Variants in INSM2 observed in about 807,000 individuals in gnomAD.
The protein encoded by INSM2 is INSM transcriptional repressor 2.
In INSM2, 12 loss-of-function variants were observed where a neutral mutation model predicts 30.5. The ratio of observed to expected loss-of-function variants is 0.39; its 90% CI spans 0.25 to 0.64. The LOEUF (loss-of-function observed/expected upper bound fraction) is 0.64, where lower values mean the gene tolerates loss of function less well. INSM2 is among the 30% of genes least tolerant of loss of function. The pLI is 0.47. For synonymous variants in INSM2, 418 were observed against 383.7 expected, an observed-to-expected ratio of 1.09 and a Z score of -1.05; for missense variants, 773 against 819.2, an observed-to-expected ratio of 0.94 and a Z score of 0.69.
Position 35,534,830 on chromosome 14 carries a change from G to C in INSM2, c.578G>C (p.Arg193Pro). Residue 193 changes from arginine to proline, a missense_variant, in exon 1 of 1, where the codon CGG becomes CCG. Coordinates refer to ENST00000307169, the MANE Select transcript of INSM2 (RefSeq NM_032594.4). ...PLSAALQSLK[R>P]AAGGERRGKA... ...TCGGCCGCCCTTCAGAGTCTGAAGCGGGCGGCCGGCGGCGAGCGCCGCGGC... is the reference window on the plus strand; with the variant it reads ...TCGGCCGCCCTTCAGAGTCTGAAGCCGGCGGCCGGCGGCGAGCGCCGCGGC... 2.0e-6 allele frequency: 3 copies of C among 1,513,462 alleles called. No individual in the cohort carries two copies. The highest frequency in any genetic ancestry group is 2.6e-6 in the Non-Finnish European group (3 of 1,138,040). The allele number at this position is 1,513,462 out of a possible 1,614,324, so 93.8% of individuals were successfully genotyped here.
rs1430240346 is a variant in INSM2 at position 35,536,163 on chromosome 14, C to T, written c.*210C>T. 3 of 540,798 alleles carry T rather than the reference C, an allele frequency of 5.5e-6. No individual in the cohort carries two copies. The African/African-American group carries it at 5.9e-5, about 11-fold the overall frequency. The allele number at this position is 540,798 out of a possible 1,614,324, so 33.5% of individuals were successfully genotyped here. ...AGAGCAGGTATGTATATGGTATAAA[C>T]CTTGAGATCAAAGACTGTCAGCTTT... is the stretch of plus-strand genomic sequence containing the variant. On this transcript the variant is annotated 3_prime_UTR_variant, in exon 1 of 1. Transcript: ENST00000307169.
chr14:35,535,591 A>G lies in INSM2; in HGVS notation c.1339A>G (p.Thr447Ala). 1 of 1,613,208 alleles carries G rather than the reference A, an allele frequency of 6.2e-7. No homozygotes were observed. The highest frequency in any genetic ancestry group is 8.5e-7 in the Non-Finnish European group (1 of 1,179,956). Residue 447 changes from threonine (T) to alanine (A), a missense_variant, in exon 1 of 1, where the codon ACT (threonine) becomes GCT (alanine). By Grantham distance (58) the Thr-to-Ala change is moderately conservative. Coordinates refer to ENST00000307169, the MANE Select transcript of INSM2 (RefSeq NM_032594.4). ...RQAYLRKHLS[T>A]HEAGSARALA... ...AGCCTATCTGCGCAAGCACCTGAGC[A>G]CTCACGAGGCGGGCTCGGCCCGTGC...
chr14:35,535,612 C>T lies in INSM2; in HGVS notation c.1360C>T (p.Arg454Cys), dbSNP rs373080462. ...GAGCACTCACGAGGCGGGCTCGGCC[C>T]GTGCGCTAGCGCCGGGCTTTGGCTC... ...HLSTHEAGSA[R>C]ALAPGFGSER... The change falls in exon 1 of 1, where the codon CGT becomes TGT. Residue 454 changes from arginine to cysteine, a missense_variant. Transcript: ENST00000307169. 2.5e-6 allele frequency: 4 copies of T among 1,613,110 alleles called. No homozygotes were observed. Among genetic ancestry groups the T allele is most frequent in the Non-Finnish European group, 3.4e-6 (4 of 1,179,974 alleles).
In INSM2 at chr14:35,534,261, G is replaced by A. The variant is rs750932457; in HGVS notation, c.9G>A (p.Arg3=). The A allele has an allele frequency of 5.0e-6, 8 of 1,594,144 alleles. No homozygotes were observed. Among genetic ancestry groups the A allele is most frequent in the Non-Finnish European group, 6.8e-6 (8 of 1,171,312 alleles). ...GCGCTCTCGACTCCACCATGCCAAGGGGATTCCTGGTGAAGCGAACTAAAC... is the reference window on the plus strand; with the variant it reads ...GCGCTCTCGACTCCACCATGCCAAGAGGATTCCTGGTGAAGCGAACTAAAC... The part of the protein sequence containing the change: MP[R]GFLVKRTKRT... The change falls in exon 1 of 1, where the codon AGG becomes AGA. Residue 3 remains arginine (R), a synonymous_variant. Coordinates refer to ENST00000307169, the MANE Select transcript of INSM2 (RefSeq NM_032594.4).
Position 35,534,616 on chromosome 14 carries a change from C to T in INSM2, c.364C>T (p.Arg122Trp), listed in dbSNP as rs765072091. ...PAKPAGAELR[R>W]AFLERCLSSP... The stretch of plus-strand genomic sequence containing the variant: ...GAAGCCGGCAGGCGCAGAGCTGCGT[C>T]GGGCGTTCCTGGAGCGCTGCCTCAG... The change falls in exon 1 of 1, where the codon CGG becomes TGG. Residue 122 changes from arginine (R) to tryptophan (W), a missense_variant. Arg to Trp is a moderately radical substitution (Grantham distance 101). Transcript: ENST00000307169. The T allele has an allele frequency of 7.6e-6, 11 of 1,447,932 alleles. No homozygotes were observed. The highest frequency in any genetic ancestry group is 4.3e-5 in the South Asian group (3 of 70,048). 89.7% of individuals were successfully genotyped at this position (1,447,932 alleles called of 1,614,324 possible).
At position 35,535,598 on chromosome 14, in the gene INSM2, A is replaced by G. The variant is rs142314509; in HGVS notation, c.1346A>G (p.Glu449Gly). Residue 449 changes from glutamate (E) to glycine (G), a missense_variant, in exon 1 of 1, where the codon GAG becomes GGG. Glu to Gly is a moderately conservative substitution (Grantham distance 98, BLOSUM62 -2). Coordinates refer to ENST00000307169, the MANE Select transcript of INSM2 (RefSeq NM_032594.4). ...AYLRKHLSTH[E>G]AGSARALAPG... Reference sequence around the variant, plus strand: ...CTGCGCAAGCACCTGAGCACTCACGAGGCGGGCTCGGCCCGTGCGCTAGCG... The same window carrying G: ...CTGCGCAAGCACCTGAGCACTCACGGGGCGGGCTCGGCCCGTGCGCTAGCG... The G allele has an allele frequency of 6.2e-7, 1 of 1,613,202 alleles. No homozygotes were observed. The highest frequency in any genetic ancestry group is 1.3e-5 in the African/African-American group (1 of 75,076).
In INSM2 at chr14:35,535,497, C is replaced by A; in HGVS notation, c.1245C>A (p.Gly415=). The change falls in exon 1 of 1, where the codon GGC becomes GGA. Residue 415 remains glycine (G), a synonymous_variant. Coordinates refer to ENST00000307169, the MANE Select transcript of INSM2 (RefSeq NM_032594.4). ...TGGGGCGCCGGGTACCTGTGCCGGGCAGTACCAGTGGTGGCAGGGGATCCG... is the reference window on the plus strand; with the variant it reads ...TGGGGCGCCGGGTACCTGTGCCGGGAAGTACCAGTGGTGGCAGGGGATCCG... ...GVLGRRVPVP[G]STSGGRGSEI... 1 of 1,613,288 alleles carries A rather than the reference C, an allele frequency of 6.2e-7. No individual in the cohort carries two copies. Among genetic ancestry groups the A allele is most frequent in the South Asian group, 1.1e-5 (1 of 91,092 alleles).
In INSM2 at chr14:35,535,818, G is replaced by A. The variant is rs199527998; in HGVS notation, c.1566G>A (p.Gln522=). Residue 522 remains glutamine (Q), a synonymous_variant, in exon 1 of 1, where the codon CAG becomes CAA. Transcript: ENST00000307169. ...GPSGPSDGSA[Q]QIFSCKHCPS... Reference sequence around the variant, plus strand: ...GCGGGCCATCTGACGGGAGTGCCCAGCAAATTTTCTCGTGCAAGCACTGCC... The same window carrying A: ...GCGGGCCATCTGACGGGAGTGCCCAACAAATTTTCTCGTGCAAGCACTGCC... 5.5e-5 allele frequency: 88 copies of A among 1,614,038 alleles called. No individual in the cohort carries two copies. The highest frequency in any genetic ancestry group is 7.5e-5 in the Non-Finnish European group (88 of 1,180,034).
rs1012517452 is a variant in INSM2 at position 35,534,205 on chromosome 14, C to T, written c.-48C>T. On this transcript the variant is annotated 5_prime_UTR_variant, in exon 1 of 1. Coordinates refer to ENST00000307169, the MANE Select transcript of INSM2 (RefSeq NM_032594.4). ...TTCATCTGCTGGCCGGCTCTCAGTCCCCGTGGCGCCCCCTTTCCTCTTGTC... is the reference window on the plus strand; with the variant it reads ...TTCATCTGCTGGCCGGCTCTCAGTCTCCGTGGCGCCCCCTTTCCTCTTGTC... 1.4e-5 allele frequency: 21 copies of T among 1,546,734 alleles called. No individual in the cohort carries two copies. Among genetic ancestry groups the T allele is most frequent in the Admixed American group, 4.0e-5 (2 of 50,272 alleles).
chr14:35,535,959 G>T lies in INSM2; in HGVS notation c.*6G>T, dbSNP rs745805702. 6.3e-6 allele frequency: 10 copies of T among 1,590,352 alleles called. No individual in the cohort carries two copies. Among genetic ancestry groups the T allele is most frequent in the Non-Finnish European group, 8.5e-6 (10 of 1,169,704 alleles). Reference sequence around the variant, plus strand: ...CACTGCGGCCTGGCTGCTGAGGGACGAGAGACCAGGATGATTTCGAGGTTG... The same window carrying T: ...CACTGCGGCCTGGCTGCTGAGGGACTAGAGACCAGGATGATTTCGAGGTTG... On this transcript the variant is annotated 3_prime_UTR_variant, in exon 1 of 1. Transcript: ENST00000307169.
chr14:35,534,529 G>T lies in INSM2; in HGVS notation c.277G>T (p.Glu93Ter). Residue 93 changes from glutamate to a stop codon, truncating the protein, a stop_gained, in exon 1 of 1, where the codon GAG becomes TAG. Transcript: ENST00000307169. LOFTEE classifies it high-confidence loss of function. ...GGGGACGGGCGGGCGGGAAGGCGCG[G>T]AGTGGCGGGCGGGTGGCAGGGAAGG... The part of the protein sequence containing the change: ...SPGTGGREGA[E>*]WRAGGREGPG... 7.1e-7 allele frequency: 1 copy of T among 1,399,742 alleles called. No individual in the cohort carries two copies. The highest frequency in any genetic ancestry group is 9.2e-7 in the Non-Finnish European group (1 of 1,085,540). 86.7% of individuals were successfully genotyped at this position (1,399,742 alleles called of 1,614,324 possible).
At position 35,534,807 on chromosome 14, in the gene INSM2, G is replaced by A. The variant is rs2053583340; in HGVS notation, c.555G>A (p.Ser185=). 6.8e-7 allele frequency: 1 copy of A among 1,466,726 alleles called. No homozygotes were observed. Among genetic ancestry groups the A allele is most frequent in the Non-Finnish European group, 9.0e-7 (1 of 1,114,722 alleles). The allele number at this position is 1,466,726 out of a possible 1,614,324, so 90.9% of individuals were successfully genotyped here. Residue 185 remains serine, a synonymous_variant, in exon 1 of 1, where the codon TCG becomes TCA. Transcript: ENST00000307169. The part of the protein sequence containing the change: ...PALQPDPAPL[S]AALQSLKRAA... ...TTCAGCCGGACCCTGCGCCCCTCTC[G>A]GCCGCCCTTCAGAGTCTGAAGCGGG...
In INSM2 at chr14:35,534,352, G is replaced by A. The variant is rs773611857; in HGVS notation, c.100G>A (p.Ala34Thr). 1 of 1,577,992 alleles carries A rather than the reference G, an allele frequency of 6.3e-7. No homozygotes were observed. The highest frequency in any genetic ancestry group is 1.8e-5 in the Admixed American group (1 of 55,732). The change falls in exon 1 of 1, where the codon GCG (alanine) becomes ACG (threonine). Residue 34 changes from alanine to threonine, a missense_variant. Transcript: ENST00000307169. Reference protein sequence around the residue: ...RVFPLLGPQGAPPFLEEAPSA... With the variant: ...RVFPLLGPQGTPPFLEEAPSA... ...CTTCCCTCTGCTGGGGCCCCAGGGG[G>A]CGCCGCCCTTCTTGGAGGAGGCTCC...
In INSM2 at chr14:35,536,057, CTA is replaced by C. The variant is rs1482929618; in HGVS notation, c.*106_*107del. The C allele has an allele frequency of 5.0e-6, 7 of 1,397,482 alleles. No homozygotes were observed. In the African/African-American group the frequency reaches 1.0e-4, roughly 20 times the overall value. The allele number at this position is 1,397,482 out of a possible 1,614,324, so 86.6% of individuals were successfully genotyped here. A position where few individuals can be genotyped will look rare whatever the true frequency, so the allele number is the denominator to read the frequency against. The stretch of plus-strand genomic sequence containing the variant: ...CTTGCAAGTTTACTTTCATTCCTTC[CTA>C]TGTTTTAATCCCCTAAAATTCTCCC... On this transcript the variant is annotated 3_prime_UTR_variant, in exon 1 of 1. Transcript: ENST00000307169.
chr14:35,535,700 A>C lies in INSM2; in HGVS notation c.1448A>C (p.Asp483Ala), dbSNP rs1391171902. ...PLCGAHFPTA[D>A]IREKHRLWHA... is the part of the protein sequence containing the mutation. The stretch of plus-strand genomic sequence containing the variant: ...TGCGGAGCGCACTTCCCTACAGCAG[A>C]TATCAGGGAGAAGCACCGGCTGTGG... Residue 483 changes from aspartate to alanine, a missense_variant, in exon 1 of 1, where the codon GAT (aspartate) becomes GCT (alanine). Asp to Ala is a moderately radical substitution (Grantham distance 126). Transcript: ENST00000307169. The C allele has an allele frequency of 2.5e-5, 41 of 1,613,190 alleles. No individual in the cohort carries two copies. The highest frequency in any genetic ancestry group is 3.4e-5 in the Non-Finnish European group (40 of 1,180,018).
chr14:35,534,954 C>G lies in INSM2; in HGVS notation c.702C>G (p.Ser234=), dbSNP rs777141954. The change falls in exon 1 of 1, where the codon TCC becomes TCG. Residue 234 remains serine (S), a synonymous_variant. Coordinates refer to ENST00000307169, the MANE Select transcript of INSM2 (RefSeq NM_032594.4). ...GCTTTGCCGATGAGGTGACCACATC[C>G]CCTGTCCTGGGCCTGAAGATCAAGG... ...KLSFADEVTT[S]PVLGLKIKEE... 6.4e-6 allele frequency: 10 copies of G among 1,573,346 alleles called. No homozygotes were observed. The highest frequency in any genetic ancestry group is 8.6e-6 in the Non-Finnish European group (10 of 1,163,732).
At position 35,534,981 on chromosome 14, in the gene INSM2, G is replaced by A; in HGVS notation, c.729G>A (p.Glu243=). 1.3e-6 allele frequency: 2 copies of A among 1,563,136 alleles called. No homozygotes were observed. Among genetic ancestry groups the A allele is most frequent in the Non-Finnish European group, 8.6e-7 (1 of 1,157,562 alleles). ...CTGTCCTGGGCCTGAAGATCAAGGA[G>A]GAGGAGCCCGGAGCGCCGTCCCGGG... The part of the protein sequence containing the change: ...TSPVLGLKIK[E]EEPGAPSRGL... The change falls in exon 1 of 1, where the codon GAG becomes GAA. Residue 243 remains glutamate (E), a synonymous_variant. Coordinates refer to ENST00000307169, the MANE Select transcript of INSM2 (RefSeq NM_032594.4).
chr14:35,536,067 A>T lies in INSM2; in HGVS notation c.*114A>T, dbSNP rs987880848. On this transcript the variant is annotated 3_prime_UTR_variant, in exon 1 of 1. Coordinates refer to ENST00000307169, the MANE Select transcript of INSM2 (RefSeq NM_032594.4). ...TACTTTCATTCCTTCCTATGTTTTA[A>T]TCCCCTAAAATTCTCCCTGTAGTCA... The T allele has an allele frequency of 7.6e-6, 10 of 1,310,588 alleles. No individual in the cohort carries two copies. The Admixed American group carries it at 2.3e-4, about 31-fold the overall frequency. The allele number at this position is 1,310,588 out of a possible 1,614,324, so 81.2% of individuals were successfully genotyped here.
chr14:35,534,729 C>G lies in INSM2; in HGVS notation c.477C>G (p.Thr159=). ...CCGTGGCGCCAGCAGCCGCACCGACCCCGGGGGAGCAGTTTCTGCTGCCGC... is the reference window on the plus strand; with the variant it reads ...CCGTGGCGCCAGCAGCCGCACCGACGCCGGGGGAGCAGTTTCTGCTGCCGC... ...SCSVAPAAAP[T]PGEQFLLPLR... Residue 159 remains threonine (T), a synonymous_variant, in exon 1 of 1, where the codon ACC becomes ACG. Coordinates refer to ENST00000307169, the MANE Select transcript of INSM2 (RefSeq NM_032594.4). 2.9e-6 allele frequency: 4 copies of G among 1,395,152 alleles called. No homozygotes were observed. The highest frequency in any genetic ancestry group is 3.7e-6 in the Non-Finnish European group (4 of 1,081,904). The allele number at this position is 1,395,152 out of a possible 1,614,324, so 86.4% of individuals were successfully genotyped here. A position where few individuals can be genotyped will look rare whatever the true frequency, so the allele number is the denominator to read the frequency against.
Sources: allele counts gnomAD v4.1 joint callset, GRCh38; gene constraint gnomAD v4.1.1; transcripts MANE v1.5; gene names NCBI Gene and HGNC (gene_info 2026-07-23, HGNC 2026-07-21).